FAM200A: variants seen among roughly 807,000 people sequenced by gnomAD.
The protein encoded by FAM200A is protein FAM200A.
A neutral mutation model predicts 44.2 loss-of-function variants in FAM200A; 26 were observed. The ratio of observed to expected loss-of-function variants is 0.59; its 90% CI spans 0.43 to 0.82. FAM200A has a LOEUF of 0.82. FAM200A is among the 40% of genes least tolerant of loss of function. FAM200A has a pLI of 0.00. For missense variants in FAM200A, 606 were observed against 669.5 expected (o/e 0.91, Z 1.05); for synonymous variants, 206 against 244.4 (o/e 0.84, Z 1.47).
rs1186107013 is a variant in FAM200A at position 99,546,905 on chromosome 7, C to T, written c.1503G>A (p.Lys501=). The change falls in exon 2 of 2, where the codon AAG becomes AAA. Residue 501 remains lysine, a synonymous_variant. Transcript: ENST00000449309. ...TTAGCAGTGGAAAGTCATCTTTAAT[C>T]TTAATCCAAAATGCTGATAAACTTA... The part of the protein sequence containing the change: ...KILSLSAFWI[K]IKDDFPLLSR... 6.5e-7 allele frequency: 1 copy of T among 1,549,202 alleles called. No individual in the cohort carries two copies. Among genetic ancestry groups the T allele is most frequent in the Non-Finnish European group, 8.7e-7 (1 of 1,146,296 alleles).
upstream of FAM200A, among the ~76,000 whole-genome samples, chr7:99,552,867 C>T (rs1329741912): frequency 2.0e-5 from 3 of 151,676 alleles, no homozygotes; most frequent in Admixed American, 1.3e-4. Flanking sequence ...ACCTTCTAGA[C>T]CCTCACTAAT....
At chr7:99,549,171 A>G (rs1802469258) in intron 1 of FAM200A, among the ~76,000 whole-genome samples, 1 of 137,566 alleles carries the variant, frequency 7.3e-6, no homozygotes, top group Non-Finnish European at 1.5e-5. Context: ...GAGAACTTGT[A>G]TTTCTTAAAA....
chr7:99,556,643 A>T (rs911324378), upstream of FAM200A, among the ~76,000 whole-genome samples: 9 of 152,310 alleles, frequency 5.9e-5, no homozygotes, highest in African/African-American at 1.9e-4. Context: ...AAAAAATACA[A>T]GTATTCCAAT....
chr7:99,548,176 G>A lies in FAM200A; in HGVS notation c.232C>T (p.His78Tyr). 3 of 1,555,410 alleles carry A rather than the reference G, an allele frequency of 1.9e-6. No individual in the cohort carries two copies. The highest frequency in any genetic ancestry group is 1.4e-5 in the African/African-American group (1 of 73,366). ...AYRVAKEKMA[H>Y]TAAEKIILPA... ...AGGATAATTTTTTCAGCCGCTGTGT[G>A]AGCCATTTTCTCTTTTGCCACTCTA... The change falls in exon 2 of 2, where the codon CAC becomes TAC. Residue 78 changes from histidine to tyrosine, a missense_variant. Coordinates refer to ENST00000449309, the MANE Select transcript of FAM200A (RefSeq NM_145111.4).
At chr7:99,552,705 CACCTTT>C (rs1243944251), upstream of FAM200A, among the ~76,000 whole-genome samples, 3 of 152,160 alleles carry the variant, frequency 2.0e-5, no homozygotes, top group East Asian at 5.8e-4. Flanking sequence ...AGAATAACTT[CACCTTT>C]TATAAAACAG....
chr7:99,549,315 G>A (rs1055717983), intron 1 of FAM200A, among the ~76,000 whole-genome samples: 1 of 151,854 alleles, frequency 6.6e-6, no homozygotes, highest in African/African-American at 2.4e-5. Flanking sequence ...ACCCTCATTT[G>A]TTTGTTTGCT....
At position 99,546,813 on chromosome 7, in the gene FAM200A, A is replaced by T; in HGVS notation, c.1595T>A (p.Ile532Asn). 1 of 1,551,686 alleles carries T rather than the reference A, an allele frequency of 6.4e-7. No individual in the cohort carries two copies. The highest frequency in any genetic ancestry group is 1.2e-5 in the South Asian group (1 of 84,058). Residue 532 changes from isoleucine (I) to asparagine (N), a missense_variant, in exon 2 of 2, where the codon ATC (isoleucine) becomes AAC (asparagine). Transcript: ENST00000449309. ...TTYLCELGFSILTRLKTKKRN... is the reference protein window; with the variant it reads ...TTYLCELGFSNLTRLKTKKRN... ...CTTCTTTGTTTTTAACCGTGTCAAG[A>T]TTGAAAATCCTAGTTCACACAAATA...
Position 99,547,059 on chromosome 7 carries a change from A to G in FAM200A, c.1349T>C (p.Ile450Thr). Reference protein sequence around the residue: ...EEKFESLKENIWMKDPFAFQN... With the variant: ...EEKFESLKENTWMKDPFAFQN... Reference sequence around the variant, plus strand: ...AAAAGCAAATGGATCTTTCATCCAAATATTTTCCTTTAATGATTCAAATTT... The same window carrying G: ...AAAAGCAAATGGATCTTTCATCCAAGTATTTTCCTTTAATGATTCAAATTT... The change falls in exon 2 of 2, where the codon ATT (isoleucine) becomes ACT (threonine). Residue 450 changes from isoleucine (I) to threonine (T), a missense_variant. Ile to Thr is a moderately conservative substitution (Grantham distance 89). Coordinates refer to ENST00000449309, the MANE Select transcript of FAM200A (RefSeq NM_145111.4). The G allele has an allele frequency of 6.5e-7, 1 of 1,546,010 alleles. No homozygotes were observed. The highest frequency in any genetic ancestry group is 1.2e-5 in the South Asian group (1 of 82,288).
chr7:99,548,058 C>T lies in FAM200A; in HGVS notation c.350G>A (p.Arg117His), dbSNP rs770952970. Reference protein sequence around the residue: ...TIPLSDNTISRRICTIAKHLE... With the variant: ...TIPLSDNTISHRICTIAKHLE... ...ATGTTTTGCAATCGTACAGATTCGACGAGATATTGTATTATCACTAAGAGG... is the reference window on the plus strand; with the variant it reads ...ATGTTTTGCAATCGTACAGATTCGATGAGATATTGTATTATCACTAAGAGG... Residue 117 changes from arginine (R) to histidine (H), a missense_variant, in exon 2 of 2, where the codon CGT becomes CAT. Physicochemically the swap from Arg to His is conservative, Grantham distance 29. Coordinates refer to ENST00000449309, the MANE Select transcript of FAM200A (RefSeq NM_145111.4). The T allele has an allele frequency of 1.8e-5, 28 of 1,551,512 alleles. No individual in the cohort carries two copies. Among genetic ancestry groups the T allele is most frequent in the African/African-American group, 2.7e-5 (2 of 73,116 alleles).
At chr7:99,555,363 T>C (rs115711635), upstream of FAM200A, among the ~76,000 whole-genome samples, 1,523 of 152,236 alleles carry the variant, frequency 0.01, 25 homozygotes, top group African/African-American at 0.035. Flanking sequence ...ACAGCCTCAA[T>C]AGGAACCACA....
At position 99,546,540 on chromosome 7, in the gene FAM200A, T is replaced by G. The variant is rs1408763218; in HGVS notation, c.*146A>C. 1 of 847,488 alleles carries G rather than the reference T, an allele frequency of 1.2e-6. No individual in the cohort carries two copies. Among genetic ancestry groups the G allele is most frequent in the Non-Finnish European group, 1.6e-6 (1 of 610,126 alleles). The allele number at this position is 847,488 out of a possible 1,614,324, so 52.5% of individuals were successfully genotyped here. ...TGTGCCACCACGCCTGGCTAAGGTT[T>G]CTATTTTTAGTAGAGATGGGGTTTC... On this transcript the variant is annotated 3_prime_UTR_variant, in exon 2 of 2. Transcript: ENST00000449309.
rs1802484111 is a variant in FAM200A at position 99,549,627 on chromosome 7, T to TAA, written c.-99-1122_-99-1121insTT. Among the ~76,000 whole-genome samples, 3 of 152,126 alleles carry TAA rather than the reference T, an allele frequency of 2.0e-5. No homozygotes were observed. The South Asian group carries it at 6.2e-4, about 31-fold the overall frequency. ...ATGTTTATTGCGGCACTATTCACAATAGCAAAGACTTGGAACCAACCCAAA... is the reference window on the plus strand; with the variant it reads ...ATGTTTATTGCGGCACTATTCACAATAAAGCAAAGACTTGGAACCAACCCAAA... On this transcript the variant is annotated intron_variant, in intron 1 of 1. Transcript: ENST00000449309.
In FAM200A at chr7:99,547,930, C is replaced by T. The variant is rs533435585; in HGVS notation, c.478G>A (p.Val160Ile). 55 of 1,551,234 alleles carry T rather than the reference C, an allele frequency of 3.5e-5. No individual in the cohort carries two copies. The East Asian group carries it at 1.3e-3, about 36-fold the overall frequency. The part of the protein sequence containing the change: ...IASCPTLLVY[V>I]RYVWQDDFVE... Reference sequence around the variant, plus strand: ...AAATCATCTTGCCACACATATCTGACATAAACCAAGAGTGTGGGACAACTT... The same window carrying T: ...AAATCATCTTGCCACACATATCTGATATAAACCAAGAGTGTGGGACAACTT... Residue 160 changes from valine to isoleucine, a missense_variant, in exon 2 of 2, where the codon GTC (valine) becomes ATC (isoleucine). Val to Ile is a conservative substitution (Grantham distance 29, BLOSUM62 3). Transcript: ENST00000449309.
chr7:99,553,048 C>CATATAT (rs1562927014), upstream of FAM200A, among the ~76,000 whole-genome samples: 5 of 124,488 alleles, frequency 4.0e-5, no homozygotes, highest in African/African-American at 1.7e-4. Context: ...TATATACACA[C>CATATAT]ACATATATAT....
At chr7:99,548,876 CTTTTTTTTTT>C (rs769162310) in intron 1 of FAM200A, among the ~76,000 whole-genome samples, 3 of 91,376 alleles carry the variant, frequency 3.3e-5, no homozygotes, top group Non-Finnish European at 6.0e-5. Flanking sequence ...TCTGGTCATT[CTTTTTTTTTT>C]TTTTTTTTTT....
upstream of FAM200A, among the ~76,000 whole-genome samples, chr7:99,553,129 C>A (rs1802603813): frequency 8.1e-6 from 1 of 123,418 alleles, no homozygotes; most frequent in Non-Finnish European, 1.6e-5. Context: ...CCTCCTAGGG[C>A]ACCGTCAAAT....
Position 99,547,651 on chromosome 7 carries a change from T to C in FAM200A, c.757A>G (p.Ile253Val). 1 of 1,551,284 alleles carries C rather than the reference T, an allele frequency of 6.4e-7. No homozygotes were observed. The highest frequency in any genetic ancestry group is 8.7e-7 in the Non-Finnish European group (1 of 1,146,890). ...IHREALVSKE[I>V]SPSLMDVLKN... ...AATACATCCATCAGACTTGGTGAAA[T>C]TTCTTTGGATACCAAAGCTTCTCGA... Residue 253 changes from isoleucine (I) to valine (V), a missense_variant, in exon 2 of 2, where the codon ATT (isoleucine) becomes GTT (valine). Transcript: ENST00000449309.
At chr7:99,558,118 C>A (rs1159545689) in intron 1 of FAM200A, among the ~76,000 whole-genome samples, 1 of 152,218 alleles carries the variant, frequency 6.6e-6, no homozygotes, top group Admixed American at 6.5e-5. Context: ...CCCGTCCCCG[C>A]TTTCCCCAAG....
At chr7:99,550,391 G>A (rs917743632) in intron 1 of FAM200A, among the ~76,000 whole-genome samples, 8 of 152,148 alleles carry the variant, frequency 5.3e-5, no homozygotes, top group African/African-American at 1.9e-4. Flanking sequence ...TTACAAGCCT[G>A]AGCCACAGCA....
Sources: allele counts gnomAD v4.1 joint callset (sites outside exome capture counted in the v4.1 genomes callset), GRCh38; gene constraint gnomAD v4.1.1; transcripts MANE v1.5; gene names NCBI Gene and HGNC (gene_info 2026-07-23, HGNC 2026-07-21).